The following PCSK5 variants were observed in gnomAD, a reference collection of about 807,000 sequenced individuals.
PCSK5 encodes the protein prohormone convertase 5.
In PCSK5, 129 loss-of-function variants were observed where a neutral mutation model predicts 233.2. The observed-to-expected ratio is 0.55, with a 90% CI of 0.48 to 0.64. PCSK5 has a LOEUF of 0.64. Ranked by LOEUF, PCSK5 falls within the 30% of genes least tolerant of loss-of-function variation. PCSK5 has a pLI of 0.00. For synonymous variants in PCSK5, 825 were observed against 879.2 expected (o/e 0.94, Z 1.09); for missense variants, 2,076 against 2,430.1 (o/e 0.85, Z 3.06).
In PCSK5 at chr9:76,362,351, G is replaced by A. The variant is rs1380604110; in HGVS notation, c.*3429G>A. The A allele has an allele frequency of 6.6e-6, 1 of 152,306 alleles. No individual in the cohort carries two copies. Among genetic ancestry groups the A allele is most frequent in the East Asian group, 1.9e-4 (1 of 5,184 alleles). The allele number at this position is 152,306 out of a possible 1,614,324, so 9.4% of individuals were successfully genotyped here. ...TTAAATCAAGACCAGATAATGCTAT[G>A]GAGACTTACTTATTAAATAACTTTC... On this transcript the variant is annotated 3_prime_UTR_variant, in exon 38 of 38. Transcript: ENST00000674117.
At chr9:76,064,961 A>G (rs1830229114) in intron 5 of PCSK5, among the ~76,000 whole-genome samples, 1 of 152,266 alleles carries the variant, frequency 6.6e-6, no homozygotes, top group African/African-American at 2.4e-5. Flanking sequence ...TGTTGGGATT[A>G]CAGGCATGGG....
At chr9:76,308,567 A>T in intron 28 of PCSK5, 78 bp from the exon 29 acceptor site, 1 of 804,370 alleles carries the variant, frequency 1.2e-6, no homozygotes, top group Non-Finnish European at 2.2e-6. Context: ...TAGGTAACCC[A>T]TGAGATCTTT....
chr9:76,286,906 G>T, intron 24 of PCSK5: 1 of 240,128 alleles, frequency 4.2e-6, no homozygotes. Context: ...CTTATTAAAG[G>T]ACTTCTCTAC....
At chr9:76,174,880 C>T (rs945755640) in intron 13 of PCSK5, 106 bp from the exon 14 acceptor site, 1 of 963,812 alleles carries the variant, frequency 1.0e-6, no homozygotes, top group African/African-American at 1.6e-5. Context: ...ATCCATCTGC[C>T]TCCCACAGTT....
chr9:76,145,630 C>G (rs1247888164), intron 10 of PCSK5, among the ~76,000 whole-genome samples: 2 of 152,180 alleles, frequency 1.3e-5, no homozygotes, highest in Non-Finnish European at 2.9e-5. Flanking sequence ...GACTGCAGCA[C>G]CAGTTTCATA....
chr9:76,237,905 A>G (rs1236667571), intron 22 of PCSK5, among the ~76,000 whole-genome samples: 1 of 152,260 alleles, frequency 6.6e-6, no homozygotes, highest in Non-Finnish European at 1.5e-5. Flanking sequence ...TCAATTTAAC[A>G]TTATACTGAC....
chr9:76,227,973 C>CTT (rs1303143941), intron 21 of PCSK5, among the ~76,000 whole-genome samples: 8 of 142,732 alleles, frequency 5.6e-5, no homozygotes, highest in Non-Finnish European at 3.1e-5. Context: ...GTGAACTGTT[C>CTT]TTTTTTTTTT....
At chr9:76,196,581 C>T (rs1356449744) in intron 20 of PCSK5, among the ~76,000 whole-genome samples, 1 of 152,182 alleles carries the variant, frequency 6.6e-6, no homozygotes, top group Non-Finnish European at 1.5e-5. Flanking sequence ...AATTGAGCTC[C>T]AACTAGGTTT....
chr9:75,947,812 A>G (rs1037680745), intron 2 of PCSK5, among the ~76,000 whole-genome samples: 1 of 152,142 alleles, frequency 6.6e-6, no homozygotes, highest in Non-Finnish European at 1.5e-5. Flanking sequence ...AGAGATACCC[A>G]GAGTTCTACT....
chr9:76,239,052 C>T lies in PCSK5; in HGVS notation c.2960C>T (p.Pro987Leu). The change falls in exon 23 of 38, where the codon CCC (proline) becomes CTC (leucine). Residue 987 changes from proline (P) to leucine (L), a missense_variant. Pro to Leu is a moderately conservative substitution (Grantham distance 98, BLOSUM62 -3). Coordinates refer to ENST00000674117, the MANE Select transcript of PCSK5 (RefSeq NM_001372043.1). ...GCCACTGAGGGGAACACCTGCCTGCCCTGCCCAGACAACTGTGAGCTTTGC... is the reference window on the plus strand; with the variant it reads ...GCCACTGAGGGGAACACCTGCCTGCTCTGCCCAGACAACTGTGAGCTTTGC... The part of the protein sequence containing the change: ...HYATEGNTCL[P>L]CPDNCELCHS... 2 of 1,611,674 alleles carry T rather than the reference C, an allele frequency of 1.2e-6. No individual in the cohort carries two copies. The highest frequency in any genetic ancestry group is 2.2e-5 in the East Asian group (1 of 44,804).
chr9:76,227,423 G>A, intron 20 of PCSK5, 80 bp from the exon 21 acceptor site: 1 of 953,574 alleles, frequency 1.0e-6, no homozygotes, highest in Non-Finnish European at 1.6e-6. Context: ...CAGCCACAGA[G>A]ATCTGGCTGC....
intron 37 of PCSK5, among the ~76,000 whole-genome samples, chr9:76,355,248 G>A (rs368329585): frequency 4.6e-5 from 7 of 152,126 alleles, no homozygotes; most frequent in African/African-American, 1.2e-4. Context: ...CAAGGAGGGC[G>A]GATCACAAGG....
At chr9:76,215,259 A>C (rs888711228) in intron 20 of PCSK5, among the ~76,000 whole-genome samples, 10 of 152,216 alleles carry the variant, frequency 6.6e-5, no homozygotes, top group Non-Finnish European at 1.2e-4. Flanking sequence ...TATCAAGAGC[A>C]GCCTTGAAAG....
rs188753083 is a variant in PCSK5 at position 76,258,298 on chromosome 9, A to G, written c.3142+17614A>G. On this transcript the variant is annotated intron_variant, in intron 24 of 37. Coordinates refer to ENST00000674117, the MANE Select transcript of PCSK5 (RefSeq NM_001372043.1). ...GTAACCTGGATCTTCCACTGGAAAA[A>G]TAAAATCAACCCAAAAATATAGGCT... Among the ~76,000 whole-genome samples, 191 of 152,310 alleles carry G rather than the reference A, an allele frequency of 1.3e-3. 1 individual carries two copies. Among genetic ancestry groups the G allele is most frequent in the Non-Finnish European group, 2.4e-3 (160 of 68,022 alleles).
rs146118874 is a variant in PCSK5, at chr9:76,191,761, T to C, written c.2626+2015T>C. Among the ~76,000 whole-genome samples the C allele has an allele frequency of 4.6e-3, 698 of 152,228 alleles. 8 individuals carry two copies. Among genetic ancestry groups the C allele is most frequent in the African/African-American group, 0.016 (668 of 41,538 alleles). ...ACCCCAGGGGCCACGTAAGTATCAT[T>C]TTTTAGTTACCAGCAAGTGCCTCCT... is the stretch of plus-strand genomic sequence containing the variant. On this transcript the variant is annotated intron_variant, in intron 20 of 37. Coordinates refer to ENST00000674117, the MANE Select transcript of PCSK5 (RefSeq NM_001372043.1).
At chr9:76,024,647 T>C (rs959157677) in intron 4 of PCSK5, among the ~76,000 whole-genome samples, 3 of 152,208 alleles carry the variant, frequency 2.0e-5, no homozygotes, top group African/African-American at 7.2e-5. Flanking sequence ...TGTATTTGAC[T>C]AAATACAAAT....
intron 20 of PCSK5, among the ~76,000 whole-genome samples, chr9:76,223,916 C>T (rs1825803024): frequency 6.6e-6 from 1 of 152,214 alleles, no homozygotes; most frequent in Non-Finnish European, 1.5e-5. Flanking sequence ...CAGTTCCAAA[C>T]ATGCAGTGAA....
At chr9:76,340,473 C>T (rs1275474645) in intron 35 of PCSK5, among the ~76,000 whole-genome samples, 1 of 151,668 alleles carries the variant, frequency 6.6e-6, no homozygotes, top group Non-Finnish European at 1.5e-5. Context: ...TGGTGAAACC[C>T]CATCTCTACT....
intron 1 of PCSK5, among the ~76,000 whole-genome samples, chr9:75,911,201 G>GTTTTTTTTTTTTTTT (rs71370772): frequency 2.7e-4 from 13 of 48,758 alleles, no homozygotes; most frequent in Non-Finnish European, 2.8e-4. Flanking sequence ...GAACATATAG[G>GTTTTTTTTTTTTTTT]TTTTTTTTTT....
Sources: allele counts gnomAD v4.1 joint callset (sites outside exome capture counted in the v4.1 genomes callset), GRCh38; gene constraint gnomAD v4.1.1; transcripts MANE v1.5; gene names NCBI Gene and HGNC (gene_info 2026-07-23, HGNC 2026-07-21).